CARMIL1: variants seen among roughly 807,000 people sequenced by gnomAD.
CARMIL1 encodes the protein F-actin-uncapping protein LRRC16A.
A neutral mutation model predicts 177.1 loss-of-function variants in CARMIL1; 90 were observed. The ratio of observed to expected loss-of-function variants is 0.51; its 90% CI spans 0.43 to 0.61. CARMIL1 has a LOEUF of 0.61. Among genes scored for constraint, CARMIL1 ranks in the 20% least tolerant of loss-of-function variants. The probability of loss-of-function intolerance (pLI) is 0.00; values close to 1 mark genes in which losing one functional copy is unlikely to be tolerated. For missense variants in CARMIL1, 1,380 were observed against 1,667.0 expected, an observed-to-expected ratio of 0.83 and a Z score of 3.00; for synonymous variants, 577 against 606.2, an observed-to-expected ratio of 0.95 and a Z score of 0.71.
chr6:25,482,812 GTTCCTAAC>G (rs1311379190), intron 12 of CARMIL1, among the ~76,000 whole-genome samples: 2 of 152,082 alleles, frequency 1.3e-5, no homozygotes, highest in African/African-American at 4.8e-5. Flanking sequence ...CTCCAGGTCA[GTTCCTAAC>G]TTCACTCACC....
At chr6:25,553,664 T>C (rs1263946630) in intron 27 of CARMIL1, among the ~76,000 whole-genome samples, 1 of 152,216 alleles carries the variant, frequency 6.6e-6, no homozygotes, top group Non-Finnish European at 1.5e-5. Context: ...CCCAGGTTTG[T>C]TTTCCTTTAT....
At chr6:25,372,314 A>C (rs1355010343) in intron 2 of CARMIL1, among the ~76,000 whole-genome samples, 2 of 152,012 alleles carry the variant, frequency 1.3e-5, no homozygotes, top group African/African-American at 4.8e-5. Flanking sequence ...AGTTGCATTG[A>C]ATCTCTAGAT....
At chr6:25,571,288 A>G (rs959552208) in intron 29 of CARMIL1, among the ~76,000 whole-genome samples, 10 of 152,346 alleles carry the variant, frequency 6.6e-5, no homozygotes, top group Admixed American at 2.0e-4. Context: ...ACCAAAAAGC[A>G]TAATGACTAG....
At chr6:25,484,154 T>C (rs764772525) in intron 12 of CARMIL1, among the ~76,000 whole-genome samples, 1 of 152,242 alleles carries the variant, frequency 6.6e-6, no homozygotes, top group Non-Finnish European at 1.5e-5. Flanking sequence ...TCCTTAGCCC[T>C]GTGTAAATTC....
chr6:25,507,771 C>T (rs1582185895), intron 17 of CARMIL1, among the ~76,000 whole-genome samples: 1 of 152,156 alleles, frequency 6.6e-6, no homozygotes, highest in East Asian at 1.9e-4. Context: ...AACGCATTTA[C>T]GTTTATCTTC....
chr6:25,600,153 T>G (rs1815246557), intron 32 of CARMIL1, among the ~76,000 whole-genome samples, 161 bp from the exon 33 acceptor site: 1 of 152,198 alleles, frequency 6.6e-6, no homozygotes, highest in Admixed American at 6.5e-5. Context: ...TATTCCACAT[T>G]CCTTTCTGTT....
Position 25,509,430 on chromosome 6 carries a change from T to A in CARMIL1, c.1396-226T>A, listed in dbSNP as rs571305088. Among the ~76,000 whole-genome samples the A allele has an allele frequency of 6.6e-6, 1 of 152,306 alleles. No homozygotes were observed. The highest frequency in any genetic ancestry group is 2.1e-4 in the South Asian group (1 of 4,834). ...TTGTTTCTCTTTTGTTTTTTTCTAA[T>A]GTTTTTAGGATTTAATGTGGGATCA... On this transcript the variant is annotated intron_variant, in intron 17 of 36. Transcript: ENST00000329474. This position sits in a 1 kb window ranked among gnomAD's most constrained non-coding sequence, Gnocchi z 4.1.
chr6:25,384,830 CT>C (rs1447748695), intron 2 of CARMIL1, among the ~76,000 whole-genome samples: 1 of 152,126 alleles, frequency 6.6e-6, no homozygotes, highest in Non-Finnish European at 1.5e-5. Context: ...GTTCAAGCCG[CT>C]TAAATTTGTT....
chr6:25,390,920 T>C (rs1792753024), intron 2 of CARMIL1, among the ~76,000 whole-genome samples: 1 of 152,216 alleles, frequency 6.6e-6, no homozygotes, highest in African/African-American at 2.4e-5. Flanking sequence ...CAGGCTGGTC[T>C]TGAACTGCTG....
At chr6:25,283,256 G>A (rs903877591) in intron 1 of CARMIL1, among the ~76,000 whole-genome samples, 5 of 152,146 alleles carry the variant, frequency 3.3e-5, no homozygotes, top group South Asian at 2.1e-4. Flanking sequence ...ACTGCAACTC[G>A]TAGACTGGGA....
chr6:25,404,711 T>C (rs1011701764), intron 2 of CARMIL1, among the ~76,000 whole-genome samples: 2 of 151,194 alleles, frequency 1.3e-5, no homozygotes, highest in African/African-American at 4.9e-5. Context: ...AGCCGAGATC[T>C]TACCACTGCA....
rs1759565154 is a variant in CARMIL1, at chr6:25,619,515, G to A, written c.4048G>A (p.Asp1350Asn). 6.2e-7 allele frequency: 1 copy of A among 1,613,894 alleles called. No homozygotes were observed. The highest frequency in any genetic ancestry group is 8.5e-7 in the Non-Finnish European group (1 of 1,179,850). Reference protein sequence around the residue: ...QEQKQRSSSKDGHQGSKSNDS... With the variant: ...QEQKQRSSSKNGHQGSKSNDS... ...ACAAAAGCAACGGTCCTCCAGTAAA[G>A]ATGGCCATCAAGGCAGCAAATCTAA... The change falls in exon 37 of 37, where the codon GAT (aspartate) becomes AAT (asparagine). Residue 1350 changes from aspartate to asparagine, a missense_variant. Physicochemically the swap from Asp to Asn is conservative, Grantham distance 23. Coordinates refer to ENST00000329474, the MANE Select transcript of CARMIL1 (RefSeq NM_017640.6).
rs576706328 is a variant in CARMIL1, at chr6:25,461,846, A to G, written c.615-4027A>G. Among the ~76,000 whole-genome samples, 57 of 152,154 alleles carry G rather than the reference A, an allele frequency of 3.7e-4. No individual in the cohort carries two copies. The South Asian group carries it at 7.5e-3, about 20-fold the overall frequency. On this transcript the variant is annotated intron_variant, in intron 8 of 36. Transcript: ENST00000329474. ...GTCCTTATTAGCAATTGGTATTGTC[A>G]GGTTTTTTTAAATTTATTTTTTCTC...
At chr6:25,591,416 C>G (rs1164295419) in intron 31 of CARMIL1, among the ~76,000 whole-genome samples, 1 of 152,200 alleles carries the variant, frequency 6.6e-6, no homozygotes, top group Non-Finnish European at 1.5e-5. Context: ...AAGCCTTTCT[C>G]TGAGTGCAAA....
intron 2 of CARMIL1, among the ~76,000 whole-genome samples, chr6:25,321,094 T>A (rs912782933): frequency 2.3e-5 from 3 of 130,846 alleles, no homozygotes; most frequent in Non-Finnish European, 3.2e-5. Flanking sequence ...CTCCACCCAT[T>A]GGTTGTCTGG....
intron 33 of CARMIL1, among the ~76,000 whole-genome samples, chr6:25,604,046 G>A (rs1394493089): frequency 2.0e-5 from 3 of 152,098 alleles, no homozygotes; most frequent in African/African-American, 4.8e-5. Context: ...CATTGAGGTT[G>A]GAAAGGTTTC....
intron 5 of CARMIL1, among the ~76,000 whole-genome samples, chr6:25,449,145 C>T (rs1350673799): frequency 6.6e-6 from 1 of 152,084 alleles, no homozygotes; most frequent in African/African-American, 2.4e-5. Flanking sequence ...CCTGCCTTGG[C>T]CTCCCAAAGT....
intron 2 of CARMIL1, among the ~76,000 whole-genome samples, chr6:25,327,461 A>C (rs1340880230): frequency 6.6e-6 from 1 of 152,260 alleles, no homozygotes; most frequent in Non-Finnish European, 1.5e-5. Context: ...TTTCCATCAC[A>C]GGTTTTAGAT....
intron 31 of CARMIL1, among the ~76,000 whole-genome samples, chr6:25,582,424 T>C (rs1813212810): frequency 6.6e-6 from 1 of 152,230 alleles, no homozygotes; most frequent in Non-Finnish European, 1.5e-5. Flanking sequence ...TTAGTCTCTG[T>C]TGTTGACTGT....
Sources: allele counts gnomAD v4.1 joint callset (sites outside exome capture counted in the v4.1 genomes callset), GRCh38; gene constraint gnomAD v4.1.1; non-coding constraint Gnocchi (gnomAD v3.1); transcripts MANE v1.5; gene names NCBI Gene and HGNC (gene_info 2026-07-23, HGNC 2026-07-21).